The following SHTN1 variants were observed in gnomAD, a reference collection of about 807,000 sequenced individuals.
SHTN1 encodes the protein shootin 1.
SHTN1 carries 42 observed loss-of-function variants against 83.1 expected under a neutral mutation model. The observed-to-expected ratio is 0.51, with a 90% CI of 0.39 to 0.65. The LOEUF is 0.65. Ranked by LOEUF, SHTN1 falls within the 30% of genes least tolerant of loss-of-function variation. The pLI is 0.00. For missense variants in SHTN1, 622 were observed against 737.8 expected (o/e 0.84, Z 1.82); for synonymous variants, 224 against 247.7 (o/e 0.90, Z 0.90).
At chr10:117,124,704 G>T (rs1157519878) in intron 1 of SHTN1, among the ~76,000 whole-genome samples, 4 of 152,000 alleles carry the variant, frequency 2.6e-5, no homozygotes, top group African/African-American at 4.8e-5. Flanking sequence ...AACCCCAGAG[G>T]CAGAGGTTGC....
At chr10:116,993,294 G>A (rs1851511793) in intron 1 of SHTN1, among the ~76,000 whole-genome samples, 1 of 151,804 alleles carries the variant, frequency 6.6e-6, no homozygotes, top group African/African-American at 2.4e-5. Context: ...GGATTACAGG[G>A]GTAAGCCACC....
chr10:117,018,864 C>A (rs1293650864), intron 2 of SHTN1, among the ~76,000 whole-genome samples: 1 of 152,124 alleles, frequency 6.6e-6, no homozygotes, highest in Non-Finnish European at 1.5e-5. Flanking sequence ...AGCCACTGCG[C>A]CTGGCCTGCA....
intron 1 of SHTN1, among the ~76,000 whole-genome samples, chr10:117,003,877 ATTTC>A (rs1387835974): frequency 2.0e-5 from 3 of 151,632 alleles, no homozygotes; most frequent in African/African-American, 7.3e-5. Context: ...TCCTCCCTTT[ATTTC>A]TTTATTATTT....
intron 2 of SHTN1, among the ~76,000 whole-genome samples, chr10:117,011,215 T>G (rs1852098118): frequency 6.6e-6 from 1 of 152,242 alleles, no homozygotes; most frequent in Non-Finnish European, 1.5e-5. Context: ...TTCAGTAGTT[T>G]TAGCTGAATT....
intron 1 of SHTN1, among the ~76,000 whole-genome samples, chr10:117,102,255 C>T (rs1853604766): frequency 6.6e-6 from 1 of 152,112 alleles, no homozygotes; most frequent in Non-Finnish European, 1.5e-5. Flanking sequence ...AGTAATACAG[C>T]TATCCTTTAG....
intron 2 of SHTN1, among the ~76,000 whole-genome samples, chr10:116,968,974 G>C (rs921525962): frequency 6.6e-6 from 1 of 152,162 alleles, no homozygotes; most frequent in Admixed American, 6.5e-5. Context: ...GTAATAGCCC[G>C]ATTTAACATC....
chr10:117,041,503 T>C (rs1423652373), intron 2 of SHTN1, among the ~76,000 whole-genome samples: 1 of 152,190 alleles, frequency 6.6e-6, no homozygotes, highest in African/African-American at 2.4e-5. Context: ...TGTTTTCTTT[T>C]CTGCATTTCA....
At chr10:116,908,799 T>G (rs1466958950) in intron 14 of SHTN1, among the ~76,000 whole-genome samples, 1 of 152,194 alleles carries the variant, frequency 6.6e-6, no homozygotes, top group Non-Finnish European at 1.5e-5. Flanking sequence ...AATTCTTGAC[T>G]GTAGTAAGCT....
At chr10:117,075,505 G>A (rs1564950550) in intron 1 of SHTN1, among the ~76,000 whole-genome samples, 1 of 152,140 alleles carries the variant, frequency 6.6e-6, no homozygotes, top group Non-Finnish European at 1.5e-5. Flanking sequence ...GCATGGCCTG[G>A]GACTTCATGG....
chr10:117,097,305 TA>T (rs1853518186), intron 1 of SHTN1, among the ~76,000 whole-genome samples: 1 of 152,234 alleles, frequency 6.6e-6, no homozygotes, highest in Non-Finnish European at 1.5e-5. Context: ...TTGGTTGAAG[TA>T]TAGCATCTAT....
intron 16 of SHTN1, among the ~76,000 whole-genome samples, chr10:116,888,526 TG>T (rs1382219665): frequency 2.0e-5 from 3 of 152,184 alleles, no homozygotes; most frequent in Non-Finnish European, 4.4e-5. Flanking sequence ...TGACAGAGAC[TG>T]GGGACAAACT....
chr10:117,060,620 ATAG>A (rs1216161887), intron 1 of SHTN1, among the ~76,000 whole-genome samples: 6 of 152,222 alleles, frequency 3.9e-5, no homozygotes, highest in African/African-American at 1.4e-4. Context: ...GAAGCTGTCT[ATAG>A]TAGGTCAACC....
chr10:117,040,073 G>C (rs961008798), intron 2 of SHTN1, among the ~76,000 whole-genome samples: 2 of 152,154 alleles, frequency 1.3e-5, no homozygotes, highest in African/African-American at 4.8e-5. Context: ...CAATATTCAT[G>C]ATGTGGAAGA....
At chr10:116,958,272 C>G (rs1441031657) in intron 4 of SHTN1, among the ~76,000 whole-genome samples, 1 of 152,120 alleles carries the variant, frequency 6.6e-6, no homozygotes, top group Non-Finnish European at 1.5e-5. Flanking sequence ...GAAGTTTCCA[C>G]ATTTTGCATT....
intron 11 of SHTN1, 27 bp downstream of exon 11, chr10:116,927,765 C>A: frequency 6.7e-7 from 1 of 1,499,626 alleles, no homozygotes; most frequent in South Asian, 1.4e-5. Context: ...ACATTTGATG[C>A]AGAGCAGTCT....
chr10:116,927,733 T>C, intron 11 of SHTN1, 59 bp downstream of exon 11: 6 of 1,440,848 alleles, frequency 4.2e-6, no homozygotes, highest in East Asian at 2.6e-5. Flanking sequence ...ACTCCTCTTA[T>C]GGCACAATCT....
intron 2 of SHTN1, among the ~76,000 whole-genome samples, chr10:117,018,036 T>C (rs1371071210): frequency 1.3e-5 from 2 of 152,258 alleles, no homozygotes; most frequent in Non-Finnish European, 2.9e-5. Context: ...ACTAAAAAAC[T>C]GTCACAGACC....
chr10:116,896,801 C>CTTT (rs1230730641), intron 16 of SHTN1, among the ~76,000 whole-genome samples: 7 of 121,688 alleles, frequency 5.8e-5, no homozygotes, highest in Non-Finnish European at 8.7e-5. Flanking sequence ...TGATCAGGTA[C>CTTT]TTTTTTTTTT....
chr10:117,078,159 T>G (rs1307272461), intron 1 of SHTN1, among the ~76,000 whole-genome samples: 1 of 152,180 alleles, frequency 6.6e-6, no homozygotes, highest in East Asian at 1.9e-4. Flanking sequence ...ATGGACATTT[T>G]AAACACATGG....
Sources: gnomAD v4.1 joint callset for allele counts (sites outside exome capture counted in the v4.1 genomes callset) on GRCh38, gnomAD v4.1.1 for gene constraint, MANE v1.5 for transcripts, NCBI Gene and HGNC (gene_info 2026-07-23, HGNC 2026-07-21) for gene names.